GPM6A: variants seen among roughly 807,000 people sequenced by gnomAD.
GPM6A encodes the protein neuronal membrane glycoprotein M6-a.
GPM6A carries 7 observed loss-of-function variants against 32.1 expected under a neutral mutation model. That is an observed-to-expected ratio of 0.22 (90% CI 0.12 to 0.41). The LOEUF (loss-of-function observed/expected upper bound fraction) is 0.41. GPM6A is among the 10% of genes least tolerant of loss of function. GPM6A has a pLI of 1.00. For synonymous variants in GPM6A, 130 were observed against 123.4 expected (o/e 1.05, Z -0.35); for missense variants, 235 against 347.2 (o/e 0.68, Z 2.57).
At chr4:175,770,478 C>T (rs1166622258) in intron 1 of GPM6A, among the ~76,000 whole-genome samples, 7 of 152,262 alleles carry the variant, frequency 4.6e-5, no homozygotes, top group African/African-American at 1.7e-4. Context: ...TTCAGAGAGG[C>T]TTTTTATGCC....
chr4:175,996,675 C>T (rs751938515), intron 1 of GPM6A, among the ~76,000 whole-genome samples: 19 of 152,154 alleles, frequency 1.2e-4, no homozygotes, highest in Non-Finnish European at 2.4e-4. Flanking sequence ...AAATGTTTTG[C>T]TGTGAAATTT....
At chr4:175,782,192 A>T (rs1041832262) in intron 1 of GPM6A, among the ~76,000 whole-genome samples, 2 of 152,098 alleles carry the variant, frequency 1.3e-5, no homozygotes. Context: ...TCTAACCCCA[A>T]TTTTATTTCA....
At chr4:175,651,768 G>A in intron 4 of GPM6A, 66 bp downstream of exon 4, 1 of 1,184,634 alleles carries the variant, frequency 8.4e-7, no homozygotes, top group Non-Finnish European at 1.2e-6. Flanking sequence ...ATATTTTAGA[G>A]GCAGCTATGT....
At chr4:175,858,704 G>A (rs748577080) in intron 1 of GPM6A, among the ~76,000 whole-genome samples, 2 of 152,050 alleles carry the variant, frequency 1.3e-5, no homozygotes, top group Non-Finnish European at 2.9e-5. Context: ...CCATATGATC[G>A]ATCCACTCCA....
chr4:175,778,644 A>G (rs894112144), intron 1 of GPM6A, among the ~76,000 whole-genome samples: 13 of 149,276 alleles, frequency 8.7e-5, no homozygotes, highest in Non-Finnish European at 1.6e-4. Context: ...AAAAAAAAAA[A>G]AAAAAAGAAA....
At chr4:175,684,065 G>A (rs972567788) in intron 2 of GPM6A, among the ~76,000 whole-genome samples, 35 of 151,920 alleles carry the variant, frequency 2.3e-4, no homozygotes, top group Non-Finnish European at 3.8e-4. Flanking sequence ...TCCTGACCTC[G>A]TGATCCACCT....
chr4:175,984,171 T>C (rs901905649), intron 1 of GPM6A, among the ~76,000 whole-genome samples: 2 of 152,136 alleles, frequency 1.3e-5, no homozygotes, highest in Non-Finnish European at 2.9e-5. Context: ...TATTTATTTA[T>C]GTATTTATTG....
At chr4:175,789,313 A>G (rs572064469) in intron 1 of GPM6A, among the ~76,000 whole-genome samples, 166 of 152,312 alleles carry the variant, frequency 1.1e-3, no homozygotes, top group African/African-American at 3.8e-3. Context: ...TAATCAAAAC[A>G]TCCATGTTTG....
At chr4:175,707,915 A>G (rs1300184881) in intron 1 of GPM6A, among the ~76,000 whole-genome samples, 1 of 152,196 alleles carries the variant, frequency 6.6e-6, no homozygotes, top group Non-Finnish European at 1.5e-5. Flanking sequence ...TACCATTTCA[A>G]TAAATTTTTC....
chr4:175,976,554 G>A (rs1740670485), intron 1 of GPM6A, among the ~76,000 whole-genome samples: 2 of 152,014 alleles, frequency 1.3e-5, no homozygotes, highest in Non-Finnish European at 2.9e-5. Flanking sequence ...TAATATTATA[G>A]TGTAACAATG....
chr4:175,788,530 A>T (rs915016310), intron 1 of GPM6A, among the ~76,000 whole-genome samples: 20 of 152,228 alleles, frequency 1.3e-4, no homozygotes, highest in African/African-American at 4.8e-4. Context: ...TCAAAGCATC[A>T]TACAGATGCA....
At chr4:175,644,881 C>T (rs9654314) in intron 4 of GPM6A, among the ~76,000 whole-genome samples, 40,657 of 151,610 alleles carry the variant, frequency 0.27, 6,161 homozygotes, top group Non-Finnish European at 0.33. Flanking sequence ...ATGAGGCAGG[C>T]GGATCAGCTG....
At chr4:175,770,393 A>G (rs1733139256) in intron 1 of GPM6A, among the ~76,000 whole-genome samples, 1 of 152,168 alleles carries the variant, frequency 6.6e-6, no homozygotes, top group Non-Finnish European at 1.5e-5. Context: ...TTAGCTCTTA[A>G]TTACATCTCT....
At chr4:175,935,395 C>T (rs772206377) in intron 1 of GPM6A, among the ~76,000 whole-genome samples, 1 of 152,138 alleles carries the variant, frequency 6.6e-6, no homozygotes, top group Non-Finnish European at 1.5e-5. Context: ...GCCAAAAGTA[C>T]AGACTGTCAA....
intron 1 of GPM6A, among the ~76,000 whole-genome samples, chr4:175,835,875 G>A (rs1185823105): frequency 6.6e-6 from 1 of 150,414 alleles, no homozygotes; most frequent in East Asian, 1.9e-4. Context: ...GAAAAATAGG[G>A]GCTTTCAGAA....
rs758107436 is a variant in GPM6A, at chr4:175,651,982, A to G, written c.393T>C (p.Ile131=). The change falls in exon 4 of 7, where the codon ATT becomes ATC. Residue 131 remains isoleucine (I), a synonymous_variant. Coordinates refer to ENST00000393658, the MANE Select transcript of GPM6A (RefSeq NM_201591.3). The part of the protein sequence containing the change: ...TCGRCVSAWF[I]MLTYLFMLAW... The stretch of plus-strand genomic sequence containing the variant: ...CCAACATGAAAAGATATGTCAGCAT[A>G]ATGAACTGCAAAAGAGAAAGAAATG... 1 of 1,605,742 alleles carries G rather than the reference A, an allele frequency of 6.2e-7. No individual in the cohort carries two copies. Among genetic ancestry groups the G allele is most frequent in the Non-Finnish European group, 8.5e-7 (1 of 1,177,226 alleles).
At chr4:175,717,738 T>C (rs1745912258) in intron 1 of GPM6A, among the ~76,000 whole-genome samples, 1 of 152,198 alleles carries the variant, frequency 6.6e-6, no homozygotes, top group African/African-American at 2.4e-5. Context: ...CTCAAACTTA[T>C]GAGAATTACA....
intron 1 of GPM6A, among the ~76,000 whole-genome samples, chr4:175,875,467 G>T (rs565203060): frequency 6.6e-6 from 1 of 152,284 alleles, no homozygotes; most frequent in East Asian, 1.9e-4. Context: ...AATTTGAGGT[G>T]ATAAAGAATC....
chr4:175,705,034 A>C (rs932668257), intron 1 of GPM6A, among the ~76,000 whole-genome samples: 2 of 151,950 alleles, frequency 1.3e-5, no homozygotes, highest in East Asian at 1.9e-4. Flanking sequence ...CATTTTCTCC[A>C]CTCTACTTTA....
Sources: allele counts gnomAD v4.1 joint callset (sites outside exome capture counted in the v4.1 genomes callset), GRCh38; gene constraint gnomAD v4.1.1; transcripts MANE v1.5; gene names NCBI Gene and HGNC (gene_info 2026-07-23, HGNC 2026-07-21).